SPTB: variants seen among roughly 807,000 people sequenced by gnomAD.
SPTB encodes spectrin beta, erythrocytic, also known as spectrin beta chain, erythrocytic.
SPTB carries 45 observed loss-of-function variants against 256.2 expected under a neutral mutation model. The ratio of observed to expected loss-of-function variants is 0.18; its 90% confidence interval spans 0.14 to 0.23. The LOEUF (loss-of-function observed/expected upper bound fraction) is 0.23. Among genes scored for constraint, SPTB ranks in the 10% least tolerant of loss-of-function variants. The pLI is 1.00. For missense variants in SPTB, 2,715 were observed against 3,040.4 expected, an observed-to-expected ratio of 0.89 and a Z score of 2.52; for synonymous variants, 1,231 against 1,243.1, an observed-to-expected ratio of 0.99 and a Z score of 0.21.
rs192115079 is a variant in SPTB at position 64,779,263 on chromosome 14, G to A, written c.4474-17C>T. On this transcript the variant is annotated splice_polypyrimidine_tract_variant and intron_variant, in intron 21 of 35. Coordinates refer to ENST00000644917, the MANE Select transcript of SPTB (RefSeq NM_001355436.2). This position sits in a 1 kb window ranked among gnomAD's most constrained non-coding sequence, Gnocchi z 4.2. ...CACCCAAAGCTGCAGAGACCAGGAG[G>A]CAGGAGAGAGCTGATGACAATCACG... The A allele has an allele frequency of 4.0e-4, 643 of 1,603,428 alleles. 15 individuals are homozygous for A. The East Asian group carries it at 7.5e-3, about 19-fold the overall frequency.
rs1741485 is a variant in SPTB at position 64,779,632 on chromosome 14, A to G, written c.4473+93T>C. The G allele has an allele frequency of 0.27, 364,154 of 1,370,690 alleles. 55,357 individuals carry two copies. The highest frequency in any genetic ancestry group is 0.62 in the African/African-American group (43,748 of 70,382). 84.9% of individuals were successfully genotyped at this position (1,370,690 alleles called of 1,614,324 possible). A position where few individuals can be genotyped will look rare whatever the true frequency, so the allele number is the denominator to read the frequency against. On this transcript the variant is annotated intron_variant, in intron 21 of 35. Transcript: ENST00000644917. The surrounding 1 kb of genome is among the most constrained non-coding windows in gnomAD (Gnocchi z 4.2). ...TAAGGGGTGAGGTGACCAGTCATCT[A>G]CTGCCAAAAATTGCTCTGGGTGGCA... is the stretch of plus-strand genomic sequence containing the variant.
chr14:64,751,087 T>TA (rs1401413215), intron 33 of SPTB, among the ~76,000 whole-genome samples: 69 of 146,406 alleles, frequency 4.7e-4, no homozygotes, highest in African/African-American at 1.5e-3. Context: ...ATAACATTTA[T>TA]ATATTATACA....
intron 2 of SPTB, among the ~76,000 whole-genome samples, chr14:64,808,875 G>T (rs370352726): frequency 6.6e-6 from 1 of 152,066 alleles, no homozygotes; most frequent in African/African-American, 2.4e-5. Context: ...AATTGGAGTG[G>T]TTGAGGGGGC....
chr14:64,794,645 TGAG>T (rs920263128), intron 12 of SPTB, 28 bp from the exon 13 acceptor site: 10 of 1,605,168 alleles, frequency 6.2e-6, no homozygotes, highest in African/African-American at 2.8e-5. Context: ...AGAAAGGAAA[TGAG>T]GAGAAGTGAA....
At chr14:64,797,633 TG>T (rs2082801318) in intron 10 of SPTB, 95 bp downstream of exon 10, 1 of 1,008,616 alleles carries the variant, frequency 9.9e-7, no homozygotes, top group African/African-American at 1.6e-5. Context: ...TCAAAGAAAG[TG>T]GCTTGGTTTA....
chr14:64,870,947 G>A (rs1161830282), intron 1 of SPTB, among the ~76,000 whole-genome samples: 1 of 152,210 alleles, frequency 6.6e-6, no homozygotes, highest in Non-Finnish European at 1.5e-5. Context: ...CAGTGCTTGT[G>A]TTTTGGAAGA....
chr14:64,857,316 C>G (rs539122586), intron 1 of SPTB, among the ~76,000 whole-genome samples: 18 of 152,186 alleles, frequency 1.2e-4, no homozygotes, highest in African/African-American at 4.1e-4. Flanking sequence ...GACACAGTGG[C>G]CCACGCTTAT....
chr14:64,787,650 T>C (rs1053996860), intron 15 of SPTB, among the ~76,000 whole-genome samples: 1 of 152,162 alleles, frequency 6.6e-6, no homozygotes, highest in African/African-American at 2.4e-5. Context: ...AGAGAAAAGA[T>C]GCCCTGGTGA....
rs1882214104 is a variant in SPTB, at chr14:64,866,880, G to A, written c.-52+12912C>T. 6.6e-6 allele frequency among the ~76,000 whole-genome samples: 1 copy of A among 151,834 alleles called. No homozygotes were observed. Among genetic ancestry groups the A allele is most frequent in the Non-Finnish European group, 1.5e-5 (1 of 67,958 alleles). ...CAGGAATTTTCAGTCTTTTTTTTCT[G>A]AAGTGCTTTTCTTAACTCTTTATTG... On this transcript the variant is annotated intron_variant, in intron 1 of 35. Transcript: ENST00000644917. This position sits in a 1 kb window ranked among gnomAD's most constrained non-coding sequence, Gnocchi z 4.6.
chr14:64,751,948 G>A (rs2145130), intron 33 of SPTB, among the ~76,000 whole-genome samples: 26 of 95,886 alleles, frequency 2.7e-4, no homozygotes, highest in African/African-American at 5.9e-4. Context: ...AAAAAAATTA[G>A]CCAGGCGTGG....
At position 64,748,646 on chromosome 14, in the gene SPTB, T is replaced by TGAA. The variant is rs1182361128; in HGVS notation, c.*657_*659dup. The TGAA allele has an allele frequency of 6.5e-6, 1 of 152,964 alleles. No individual in the cohort carries two copies. The highest frequency in any genetic ancestry group is 1.5e-5 in the Non-Finnish European group (1 of 68,642). The allele number at this position is 152,964 out of a possible 1,614,324, so 9.5% of individuals were successfully genotyped here. ...CAGAGAGGAGGGATGTGGTGGCCCC[T>TGAA]GAAGTGAGAGTCCCAGTTCTGCGGA... On this transcript the variant is annotated 3_prime_UTR_variant, in exon 36 of 36. Transcript: ENST00000644917.
Position 64,825,485 on chromosome 14 carries a change from AG to A in SPTB, c.-51-2341del, listed in dbSNP as rs1301423539. 2.7e-5 allele frequency among the ~76,000 whole-genome samples: 4 copies of A among 145,952 alleles called. No individual in the cohort carries two copies. Among genetic ancestry groups the A allele is most frequent in the Non-Finnish European group, 4.5e-5 (3 of 66,176 alleles). On this transcript the variant is annotated intron_variant, in intron 1 of 35. Transcript: ENST00000644917. This position sits in a 1 kb window ranked among gnomAD's most constrained non-coding sequence, Gnocchi z 4.8. ...CCCACACCTTTCTCTATTTCCCTTA[AG>A]GGAAACTACCACTGACTTGGTCTCT...
Position 64,796,577 on chromosome 14 carries a change from T to G in SPTB, c.1321A>C (p.Asn441His). 1 of 1,614,176 alleles carries G rather than the reference T, an allele frequency of 6.2e-7. No homozygotes were observed. The highest frequency in any genetic ancestry group is 8.5e-7 in the Non-Finnish European group (1 of 1,180,028). Residue 441 changes from asparagine (N) to histidine (H), a missense_variant, in exon 11 of 36, where the codon AAC (asparagine) becomes CAC (histidine). Around this residue, in one of 4 missense-constraint regions of SPTB, gnomAD observed 416 missense variants for 571.1 expected, o/e 0.73. Transcript: ENST00000644917. The surrounding 1 kb of genome is among the most constrained non-coding windows in gnomAD (Gnocchi z 4.1). ...AAMRETWLSENQRLVAQDNFG... is the reference protein window; with the variant it reads ...AAMRETWLSEHQRLVAQDNFG... ...ATTACCTGGGCCACGAGGCGCTGGT[T>G]TTCACTGAGCCAGGTCTCTCTCATT...
chr14:64,787,943 T>C (rs768587549), intron 15 of SPTB, among the ~76,000 whole-genome samples: 1 of 152,210 alleles, frequency 6.6e-6, no homozygotes, highest in Non-Finnish European at 1.5e-5. Context: ...GGCTGAATGC[T>C]CATTCTCTAA....
chr14:64,763,689 T>G lies in SPTB; in HGVS notation c.6345+3037A>C, dbSNP rs531399991. 1.7e-5 allele frequency: 9 copies of G among 516,436 alleles called. No homozygotes were observed. The East Asian group carries it at 4.4e-4, about 25-fold the overall frequency. The allele number at this position is 516,436 out of a possible 1,614,324, so 32.0% of individuals were successfully genotyped here. A position where few individuals can be genotyped will look rare whatever the true frequency, so the allele number is the denominator to read the frequency against. On this transcript the variant is annotated intron_variant, in intron 32 of 35. Transcript: ENST00000644917. ...AGGACTAGAACCCAGATGTCCTGAC[T>G]TCCCCTCCAGCAGTTTTGTCTTTCG...
In SPTB at chr14:64,796,450, G is replaced by T; in HGVS notation, c.1341+107C>A. The T allele has an allele frequency of 6.8e-7, 1 of 1,466,288 alleles. No individual in the cohort carries two copies. Among genetic ancestry groups the T allele is most frequent in the Non-Finnish European group, 9.5e-7 (1 of 1,054,440 alleles). 90.8% of individuals were successfully genotyped at this position (1,466,288 alleles called of 1,614,324 possible). A position where few individuals can be genotyped will look rare whatever the true frequency, so the allele number is the denominator to read the frequency against. ...GATCACGGGGGAGCTGTGCTGCAAGGCACGAGGAGAGGCTGTGAGAAGCCA... is the reference window on the plus strand; with the variant it reads ...GATCACGGGGGAGCTGTGCTGCAAGTCACGAGGAGAGGCTGTGAGAAGCCA... On this transcript the variant is annotated intron_variant, in intron 11 of 35. Transcript: ENST00000644917. The surrounding 1 kb of genome is among the most constrained non-coding windows in gnomAD (Gnocchi z 4.1).
intron 1 of SPTB, among the ~76,000 whole-genome samples, chr14:64,837,162 A>C (rs1183705072): frequency 6.6e-6 from 1 of 152,250 alleles, no homozygotes; most frequent in Admixed American, 6.5e-5. Flanking sequence ...GGAGGGTGTC[A>C]GAATGAAGCC....
In SPTB at chr14:64,802,443, C is replaced by T. The variant is rs2082904186; in HGVS notation, c.475-126G>A. 2.2e-6 allele frequency: 2 copies of T among 895,822 alleles called. No individual in the cohort carries two copies. The highest frequency in any genetic ancestry group is 2.8e-5 in the South Asian group (2 of 70,924). The allele number at this position is 895,822 out of a possible 1,614,324, so 55.5% of individuals were successfully genotyped here. On this transcript the variant is annotated intron_variant, in intron 4 of 35. Coordinates refer to ENST00000644917, the MANE Select transcript of SPTB (RefSeq NM_001355436.2). The surrounding 1 kb of genome is among the most constrained non-coding windows in gnomAD (Gnocchi z 5.1). The stretch of plus-strand genomic sequence containing the variant: ...TAACACTAATTCATCCTTTAAGAGC[C>T]AGTATAAATGGCGCTTGGGTTGGGT...
At chr14:64,877,434 A>C (rs1882877729) in intron 1 of SPTB, among the ~76,000 whole-genome samples, 1 of 152,198 alleles carries the variant, frequency 6.6e-6, no homozygotes, top group Non-Finnish European at 1.5e-5. Context: ...GGTAGAACCA[A>C]ACAAACTGAG....
Sources: allele counts gnomAD v4.1 joint callset (sites outside exome capture counted in the v4.1 genomes callset), GRCh38; gene constraint gnomAD v4.1.1; regional missense constraint gnomAD v4.1.1; non-coding constraint Gnocchi (gnomAD v3.1); transcripts MANE v1.5; gene names NCBI Gene and HGNC (gene_info 2026-07-23, HGNC 2026-07-21).